NFIC: variants seen among roughly 807,000 people sequenced by gnomAD.
NFIC encodes nuclear factor I C.
A neutral mutation model predicts 54.4 loss-of-function variants in NFIC; 12 were observed. That is an observed-to-expected ratio of 0.22 (90% CI 0.14 to 0.36). The LOEUF is 0.36. NFIC is among the 10% of genes least tolerant of loss of function. The pLI, the probability that NFIC is intolerant of heterozygous loss-of-function variation, is 1.00. For synonymous variants in NFIC, 322 were observed against 319.2 expected (o/e 1.01, Z -0.09); for missense variants, 575 against 718.2 (o/e 0.80, Z 2.28).
At position 3,453,721 on chromosome 19, in the gene NFIC, G is replaced by A. The variant is rs1474396228; in HGVS notation, c.1270-42G>A. On this transcript the variant is annotated intron_variant, in intron 8 of 10. Coordinates refer to ENST00000443272, the MANE Select transcript of NFIC (RefSeq NM_001245002.2). This position sits in a 1 kb window ranked among gnomAD's most constrained non-coding sequence, Gnocchi z 6.7. ...CCGGCGCCAGCAGCCCGAGGTAGAG[G>A]GGGAGCCCACCCCTTAACCACGTGT... 1.1e-5 allele frequency: 17 copies of A among 1,569,712 alleles called. No homozygotes were observed. Among genetic ancestry groups the A allele is most frequent in the Non-Finnish European group, 1.5e-5 (17 of 1,162,914 alleles).
intron 2 of NFIC, among the ~76,000 whole-genome samples, chr19:3,401,310 G>C (rs991490153): frequency 7.9e-5 from 12 of 152,118 alleles, no homozygotes; most frequent in African/African-American, 2.9e-4. Flanking sequence ...GCCTGCTGCA[G>C]GGAGGACAGA....
At chr19:3,395,463 G>A (rs532595710) in intron 2 of NFIC, among the ~76,000 whole-genome samples, 1 of 136,016 alleles carries the variant, frequency 7.4e-6, no homozygotes, top group African/African-American at 2.9e-5. Context: ...CGCTGGGGCT[G>A]GGATTACAGG....
rs147681859 is a variant in NFIC, at chr19:3,411,002, C to T, written c.563-14104C>T. 509 of 82,242 alleles carry T rather than the reference C, an allele frequency of 6.2e-3. 5 individuals are homozygous for T. The highest frequency in any genetic ancestry group is 0.022 in the African/African-American group (476 of 21,518). The allele number at this position is 82,242 out of a possible 1,614,324, so 5.1% of individuals were successfully genotyped here. ...GGACTTGCCACCTCTTCTTTAAAAA[C>T]CCCAGTGCTGTTTTTGTTGTTTTTT... is the stretch of plus-strand genomic sequence containing the variant. On this transcript the variant is annotated intron_variant, in intron 2 of 10. Coordinates refer to ENST00000443272, the MANE Select transcript of NFIC (RefSeq NM_001245002.2).
intron 6 of NFIC, among the ~76,000 whole-genome samples, chr19:3,438,474 G>T (rs2082241347): frequency 1.5e-5 from 2 of 134,930 alleles, no homozygotes; most frequent in Non-Finnish European, 1.5e-5. Flanking sequence ...GTCTCGCTCT[G>T]TCGCCCAGGC....
rs950671457 is a variant in NFIC, at chr19:3,469,186, A to G, written c.*6417A>G. The G allele has an allele frequency of 6.6e-6, 1 of 152,226 alleles. No individual in the cohort carries two copies. Among genetic ancestry groups the G allele is most frequent in the Non-Finnish European group, 1.5e-5 (1 of 68,040 alleles). The allele number at this position is 152,226 out of a possible 1,614,324, so 9.4% of individuals were successfully genotyped here. A position where few individuals can be genotyped will look rare whatever the true frequency, so the allele number is the denominator to read the frequency against. ...AAAAAAAGAAAAAAGAAAAAAATGT[A>G]TAAAAATTAAACAAGCTATGCTTCG... On this transcript the variant is annotated 3_prime_UTR_variant, in exon 11 of 11. Transcript: ENST00000443272.
chr19:3,396,038 A>G (rs1234008366), intron 2 of NFIC, among the ~76,000 whole-genome samples: 1 of 151,924 alleles, frequency 6.6e-6, no homozygotes, highest in African/African-American at 2.4e-5. Flanking sequence ...GCTTTCTTCC[A>G]TATTGGTTAG....
chr19:3,437,497 C>A (rs529710529), intron 6 of NFIC, among the ~76,000 whole-genome samples: 1 of 152,152 alleles, frequency 6.6e-6, no homozygotes, highest in African/African-American at 2.4e-5. Context: ...GGGTCTCCAT[C>A]CCTCAGGGGA....
At position 3,462,895 on chromosome 19, in the gene NFIC, G is replaced by C; in HGVS notation, c.*126G>C. 1 of 1,561,338 alleles carries C rather than the reference G, an allele frequency of 6.4e-7. No homozygotes were observed. The highest frequency in any genetic ancestry group is 8.6e-7 in the Non-Finnish European group (1 of 1,160,032). On this transcript the variant is annotated 3_prime_UTR_variant, in exon 11 of 11. Transcript: ENST00000443272. The stretch of plus-strand genomic sequence containing the variant: ...ACAAGAACACCCCTGCCGACTCCCA[G>C]CCCGGCCAAAAAGACAAAACACATA...
In NFIC at chr19:3,403,648, G is replaced by A. The variant is rs907219046; in HGVS notation, c.562+21405G>A. Among the ~76,000 whole-genome samples the A allele has an allele frequency of 3.9e-5, 6 of 152,336 alleles. No homozygotes were observed. In the South Asian group the frequency reaches 1.2e-3, roughly 32 times the overall value. ...AGCACCGGGCAGGCCTCGGAATTGCGGAGAGCCCTCCCCTGGGCGCCTGCC... is the reference window on the plus strand; with the variant it reads ...AGCACCGGGCAGGCCTCGGAATTGCAGAGAGCCCTCCCCTGGGCGCCTGCC... On this transcript the variant is annotated intron_variant, in intron 2 of 10. Transcript: ENST00000443272.
At chr19:3,407,549 C>T (rs1248467794) in intron 2 of NFIC, among the ~76,000 whole-genome samples, 1 of 152,172 alleles carries the variant, frequency 6.6e-6, no homozygotes, top group Non-Finnish European at 1.5e-5. Context: ...ATTCTCCTGC[C>T]TCAGCCTCCT....
intron 1 of NFIC, among the ~76,000 whole-genome samples, chr19:3,372,780 G>C (rs999471953): frequency 6.6e-6 from 1 of 152,024 alleles, no homozygotes; most frequent in African/African-American, 2.4e-5. Context: ...GACTTTGGTG[G>C]AAGATTTCAT....
At chr19:3,394,514 T>TCCCCCCCCCCCCCCCCCCC (rs199958298) in intron 2 of NFIC, among the ~76,000 whole-genome samples, 1 of 25,280 alleles carries the variant, frequency 4.0e-5, no homozygotes, top group Non-Finnish European at 6.5e-5. Context: ...TATGATCTTT[T>TCCCCCCCCCCCCCCCCCCC]CCCCACCCAC....
At chr19:3,430,361 C>G (rs933860256) in intron 3 of NFIC, among the ~76,000 whole-genome samples, 1 of 151,722 alleles carries the variant, frequency 6.6e-6, no homozygotes, top group Non-Finnish European at 1.5e-5. Flanking sequence ...TAGCTGGGAT[C>G]ATAGGCACAT....
upstream of NFIC, among the ~76,000 whole-genome samples, chr19:3,364,052 A>C (rs1221477177): frequency 6.6e-6 from 1 of 152,134 alleles, no homozygotes; most frequent in Non-Finnish European, 1.5e-5. Flanking sequence ...GCTGCCTCCA[A>C]ATTGTGGGCA....
intron 10 of NFIC, among the ~76,000 whole-genome samples, chr19:3,460,538 A>T (rs991315684): frequency 6.6e-6 from 1 of 151,476 alleles, no homozygotes; most frequent in African/African-American, 2.4e-5. Context: ...TTGTTTTGAG[A>T]CGGAGTCTTA....
Position 3,360,769 on chromosome 19 carries a change from G to A in NFIC, c.3+1084G>A, listed in dbSNP as rs547323506. Among the ~76,000 whole-genome samples the A allele has an allele frequency of 2.6e-5, 4 of 152,348 alleles. No individual in the cohort carries two copies. In the South Asian group the frequency reaches 8.3e-4, roughly 32 times the overall value. Reference sequence around the variant, plus strand: ...TGCGGGACGGTGTTGTGAAACTATGGCTGGGCTGCGTGTCCGCGGAGCCGC... The same window carrying A: ...TGCGGGACGGTGTTGTGAAACTATGACTGGGCTGCGTGTCCGCGGAGCCGC... On this transcript the variant is annotated intron_variant, in intron 1 of 9. Coordinates refer to the NFIC transcript ENST00000395111.
At chr19:3,376,156 G>A (rs1329401698) in intron 1 of NFIC, among the ~76,000 whole-genome samples, 4 of 152,028 alleles carry the variant, frequency 2.6e-5, no homozygotes, top group African/African-American at 4.8e-5. Flanking sequence ...CAGCAATCGC[G>A]TCCATAGTAA....
intron 2 of NFIC, among the ~76,000 whole-genome samples, chr19:3,398,756 G>A (rs369055543): frequency 6.6e-5 from 10 of 152,152 alleles, no homozygotes; most frequent in African/African-American, 2.4e-4. Context: ...GCTGCCTTAT[G>A]TAACCAGTTT....
intron 5 of NFIC, among the ~76,000 whole-genome samples, chr19:3,434,717 CTG>C (rs2082171445): frequency 6.6e-6 from 1 of 151,906 alleles, no homozygotes; most frequent in Non-Finnish European, 1.5e-5. Flanking sequence ...GCAGGTCACA[CTG>C]TGTGTGCCCC....
Sources: allele counts gnomAD v4.1 joint callset (sites outside exome capture counted in the v4.1 genomes callset), GRCh38; gene constraint gnomAD v4.1.1; non-coding constraint Gnocchi (gnomAD v3.1); transcripts MANE v1.5; gene names NCBI Gene and HGNC (gene_info 2026-07-23, HGNC 2026-07-21).